The following TLCD3B variants were observed in gnomAD, a reference collection of about 807,000 sequenced individuals.
TLCD3B encodes the protein TLC domain containing 3B.
TLCD3B carries 9 observed loss-of-function variants against 23.0 expected under a neutral mutation model. That is an observed-to-expected ratio of 0.39 (90% CI 0.24 to 0.68). The LOEUF is 0.68. Ranked by LOEUF, TLCD3B falls within the 30% of genes least tolerant of loss-of-function variation. TLCD3B has a pLI of 0.44. For missense variants in TLCD3B, 307 were observed against 371.8 expected (o/e 0.83, Z 1.43); for synonymous variants, 161 against 161.0 (o/e 1.00, Z 0.00).
At chr16:30,032,445 A>G (rs930623942), upstream of TLCD3B, among the ~76,000 whole-genome samples, 2 of 152,096 alleles carry the variant, frequency 1.3e-5, no homozygotes, top group Admixed American at 6.5e-5. Flanking sequence ...GCACCCAAGA[A>G]GTCTCACGCT....
chr16:30,029,845 C>T lies in TLCD3B; in HGVS notation c.126-330G>A, dbSNP rs974261141. ...CTGAGAGTGAACTGCTGGCCTGGAC[C>T]TCTCCCCACGAGGGGAGCCTGGGCC... On this transcript the variant is annotated intron_variant, in intron 1 of 4. Coordinates refer to ENST00000380495, the MANE Select transcript of TLCD3B (RefSeq NM_031478.6). The surrounding 1 kb of genome is among the most constrained non-coding windows in gnomAD (Gnocchi z 4.6). Among the ~76,000 whole-genome samples, 7 of 152,214 alleles carry T rather than the reference C, an allele frequency of 4.6e-5. No individual in the cohort carries two copies. The highest frequency in any genetic ancestry group is 2.9e-5 in the Non-Finnish European group (2 of 68,034).
chr16:30,032,707 C>T (rs146148037), upstream of TLCD3B: 74 of 139,060 alleles, frequency 5.3e-4, no homozygotes, highest in African/African-American at 2.0e-3. Context: ...AGTACAGTGG[C>T]GCGATCATGG....
At chr16:30,040,574 GA>G (rs2071565870) in intron 3 of TLCD3B, among the ~76,000 whole-genome samples, 1 of 151,914 alleles carries the variant, frequency 6.6e-6, no homozygotes, top group African/African-American at 2.4e-5. Flanking sequence ...GTGGGAGAGG[GA>G]AAAAGGGGAA....
intron 1 of TLCD3B, among the ~76,000 whole-genome samples, chr16:30,051,520 T>A (rs1477462582): frequency 3.4e-4 from 30 of 88,822 alleles, no homozygotes; most frequent in Non-Finnish European, 4.4e-4. Context: ...AAACTCCGTT[T>A]CAAAAAAAAA....
At chr16:30,042,489 G>GT (rs1004967632) in intron 2 of TLCD3B, among the ~76,000 whole-genome samples, 1 of 152,122 alleles carries the variant, frequency 6.6e-6, no homozygotes, top group African/African-American at 2.4e-5. Context: ...CTCCCAAAGT[G>GT]TTGGGATTAC....
At chr16:30,030,130 G>A (rs1367823285) in intron 1 of TLCD3B, 3 of 1,469,986 alleles carry the variant, frequency 2.0e-6, no homozygotes, top group Non-Finnish European at 2.7e-6. Flanking sequence ...TTCGCCGCAT[G>A]CTGGCCCTGT....
Position 30,026,879 on chromosome 16 carries a change from G to A in TLCD3B, c.210-36C>T, listed in dbSNP as rs200852772. 1.5e-5 allele frequency: 24 copies of A among 1,570,754 alleles called. No individual in the cohort carries two copies. The East Asian group carries it at 4.0e-4, about 26-fold the overall frequency. Reference sequence around the variant, plus strand: ...GAGAGACGGGGTGGGGGAGCAAGGAGGAAAGGGGACACCAGTGATTGGGGT... The same window carrying A: ...GAGAGACGGGGTGGGGGAGCAAGGAAGAAAGGGGACACCAGTGATTGGGGT... On this transcript the variant is annotated intron_variant, in intron 2 of 4. Coordinates refer to ENST00000380495, the MANE Select transcript of TLCD3B (RefSeq NM_031478.6).
At chr16:30,032,120 G>A (rs867131896), upstream of TLCD3B, among the ~76,000 whole-genome samples, 9 of 152,218 alleles carry the variant, frequency 5.9e-5, no homozygotes, top group Non-Finnish European at 1.2e-4. Flanking sequence ...AAAGGACTGC[G>A]GGGTGGGCTG....
chr16:30,039,010 T>G (rs1353753340), intron 3 of TLCD3B, among the ~76,000 whole-genome samples: 1 of 150,712 alleles, frequency 6.6e-6, no homozygotes, highest in Non-Finnish European at 1.5e-5. Flanking sequence ...ACTGAAAGGC[T>G]TTTTTAAAAA....
intron 2 of TLCD3B, among the ~76,000 whole-genome samples, chr16:30,044,643 G>A (rs1386357211): frequency 6.6e-6 from 1 of 152,052 alleles, no homozygotes; most frequent in Non-Finnish European, 1.5e-5. Context: ...TTATCACTCT[G>A]GAAAATAGAA....
chr16:30,035,686 C>T (rs1441277416), upstream of TLCD3B, among the ~76,000 whole-genome samples: 4 of 152,066 alleles, frequency 2.6e-5, no homozygotes, highest in Non-Finnish European at 5.9e-5. Context: ...CGGGGCAATT[C>T]GACATCCTAA....
chr16:30,039,252 T>C (rs2071536440), intron 3 of TLCD3B, among the ~76,000 whole-genome samples: 1 of 151,748 alleles, frequency 6.6e-6, no homozygotes, highest in African/African-American at 2.4e-5. Flanking sequence ...GCCTCCCGAG[T>C]AGCTGGGATT....
At position 30,029,595 on chromosome 16, in the gene TLCD3B, C is replaced by T. The variant is rs1232268814; in HGVS notation, c.126-80G>A. On this transcript the variant is annotated intron_variant, in intron 1 of 4. Transcript: ENST00000380495. The surrounding 1 kb of genome is among the most constrained non-coding windows in gnomAD (Gnocchi z 4.6). ...TGATTTCTCCTCGTTGCTAGTCTAACGACTGCGCTTTGCGTTCAGCCACTT... is the reference window on the plus strand; with the variant it reads ...TGATTTCTCCTCGTTGCTAGTCTAATGACTGCGCTTTGCGTTCAGCCACTT... The T allele has an allele frequency of 3.3e-5, 41 of 1,239,832 alleles. No individual in the cohort carries two copies. Among genetic ancestry groups the T allele is most frequent in the Non-Finnish European group, 4.0e-5 (34 of 859,114 alleles). 76.8% of individuals were successfully genotyped at this position (1,239,832 alleles called of 1,614,324 possible).
Position 30,025,012 on chromosome 16 carries a change from C to T in TLCD3B, c.*171G>A. 1.8e-6 allele frequency: 1 copy of T among 547,440 alleles called. No individual in the cohort carries two copies. 33.9% of individuals were successfully genotyped at this position (547,440 alleles called of 1,614,324 possible). A position where few individuals can be genotyped will look rare whatever the true frequency, so the allele number is the denominator to read the frequency against. On this transcript the variant is annotated 3_prime_UTR_variant, in exon 5 of 5. Transcript: ENST00000380495. This position sits in a 1 kb window ranked among gnomAD's most constrained non-coding sequence, Gnocchi z 4.1. ...GCAGAGTAGGGGGAAGAGGTCCCCTCTCTCCACCCCCTCAGTCCCCGAGAG... is the reference window on the plus strand; with the variant it reads ...GCAGAGTAGGGGGAAGAGGTCCCCTTTCTCCACCCCCTCAGTCCCCGAGAG...
In TLCD3B at chr16:30,029,557, G is replaced by T. The variant is rs753918559; in HGVS notation, c.126-42C>A. 3 of 1,513,942 alleles carry T rather than the reference G, an allele frequency of 2.0e-6. No homozygotes were observed. The highest frequency in any genetic ancestry group is 2.7e-6 in the Non-Finnish European group (3 of 1,093,048). The allele number at this position is 1,513,942 out of a possible 1,614,324, so 93.8% of individuals were successfully genotyped here. ...GGCGTGCTAGAAAGGCAGAAGGGAA[G>T]AGGCGTGTGCCTTGATTTCTCCTCG... is the stretch of plus-strand genomic sequence containing the variant. On this transcript the variant is annotated intron_variant, in intron 1 of 4. Coordinates refer to ENST00000380495, the MANE Select transcript of TLCD3B (RefSeq NM_031478.6). This position sits in a 1 kb window ranked among gnomAD's most constrained non-coding sequence, Gnocchi z 4.6.
At chr16:30,048,639 G>A (rs80282267) in intron 1 of TLCD3B, among the ~76,000 whole-genome samples, 3,489 of 148,316 alleles carry the variant, frequency 0.024, 51 homozygotes, top group Non-Finnish European at 0.039. Context: ...TTTTTTTCTC[G>A]CCCAGGCTGG....
Position 30,025,967 on chromosome 16 carries a change from C to A in TLCD3B, c.445-146G>T. The A allele has an allele frequency of 1.5e-6, 1 of 650,470 alleles. No homozygotes were observed. The highest frequency in any genetic ancestry group is 2.7e-5 in the Admixed American group (1 of 37,570). The allele number at this position is 650,470 out of a possible 1,614,324, so 40.3% of individuals were successfully genotyped here. ...CTGGGTGCAGGGCTGGGTGCAGTGG[C>A]TCACGCCGGTAATCCCAGCACTTTG... On this transcript the variant is annotated intron_variant, in intron 3 of 4. Coordinates refer to ENST00000380495, the MANE Select transcript of TLCD3B (RefSeq NM_031478.6). This position sits in a 1 kb window ranked among gnomAD's most constrained non-coding sequence, Gnocchi z 4.1.
intron 1 of TLCD3B, among the ~76,000 whole-genome samples, chr16:30,052,334 C>CTG (rs1014155186): frequency 1.3e-5 from 2 of 151,874 alleles, no homozygotes; most frequent in African/African-American, 4.8e-5. Flanking sequence ...CACCATTGCA[C>CTG]TCCAGCCTGG....
intron 1 of TLCD3B, among the ~76,000 whole-genome samples, chr16:30,047,744 C>CCACT (rs2071695579): frequency 6.6e-6 from 1 of 151,278 alleles, no homozygotes; most frequent in South Asian, 2.1e-4. Flanking sequence ...CAGGTGTGAG[C>CCACT]CACTGTACGT....
Sources: gnomAD v4.1 joint callset for allele counts (sites outside exome capture counted in the v4.1 genomes callset) on GRCh38, gnomAD v4.1.1 for gene constraint, Gnocchi (gnomAD v3.1) non-coding constraint, MANE v1.5 for transcripts, NCBI Gene and HGNC (gene_info 2026-07-23, HGNC 2026-07-21) for gene names.